Variants in TMEM202 observed in about 807,000 individuals in gnomAD.
TMEM202 encodes the protein transmembrane protein 202.
In TMEM202, 25 loss-of-function variants were observed where a neutral mutation model predicts 26.1. The ratio of observed to expected loss-of-function variants is 0.96; its 90% CI spans 0.70 to 1.34. TMEM202 has a LOEUF of 1.34. Among genes scored for constraint, TMEM202 ranks in the 40% most tolerant of loss-of-function variants. The pLI, the probability that TMEM202 is intolerant of heterozygous loss-of-function variation, is 0.00. For synonymous variants in TMEM202, 122 were observed against 119.0 expected (o/e 1.02, Z -0.16); for missense variants, 301 against 327.7 (o/e 0.92, Z 0.63).
At position 72,403,832 on chromosome 15, in the gene TMEM202, T is replaced by C. The variant is rs115790669; in HGVS notation, c.338-2770T>C. On this transcript the variant is annotated intron_variant, in intron 2 of 4. Transcript: ENST00000341689. Reference sequence around the variant, plus strand: ...TGTATATGATTATTCCTAATAGACTTGGTTACTTTGGGAAGGTTAGACTCT... The same window carrying C: ...TGTATATGATTATTCCTAATAGACTCGGTTACTTTGGGAAGGTTAGACTCT... Among the ~76,000 whole-genome samples, 257 of 152,326 alleles carry C rather than the reference T, an allele frequency of 1.7e-3. 1 individual carries two copies. The highest frequency in any genetic ancestry group is 6.0e-3 in the African/African-American group (251 of 41,576).
At chr15:72,402,582 T>C (rs193056745) in intron 2 of TMEM202, among the ~76,000 whole-genome samples, 1 of 152,282 alleles carries the variant, frequency 6.6e-6, no homozygotes, top group East Asian at 1.9e-4. Flanking sequence ...TCACTTTTAC[T>C]AGGAAGTCTC....
At position 72,406,675 on chromosome 15, in the gene TMEM202, C is replaced by T. The variant is rs772834911; in HGVS notation, c.411C>T (p.Phe137=). 7 of 1,614,116 alleles carry T rather than the reference C, an allele frequency of 4.3e-6. No individual in the cohort carries two copies. Among genetic ancestry groups the T allele is most frequent in the African/African-American group, 1.3e-5 (1 of 75,040 alleles). ...TACTTACTGGCCTTGGCTGGCTCTT[C>T]AGCTCTTGGATCCTTAATCGAGGAA... ...FTILTGLGWL[F]SSWILNRGSM... is the part of the protein sequence containing the mutation. Residue 137 remains phenylalanine (F), a synonymous_variant, in exon 3 of 5, where the codon TTC becomes TTT. Transcript: ENST00000341689.
intron 2 of TMEM202, 135 bp downstream of exon 2, chr15:72,399,043 T>C: frequency 9.5e-7 from 1 of 1,048,690 alleles, no homozygotes; most frequent in Non-Finnish European, 1.4e-6. Context: ...GGATCTTTCT[T>C]TGGTATCCTC....
At chr15:72,406,807 A>T (rs1042749194) in intron 3 of TMEM202, 56 bp downstream of exon 3, 3 of 1,573,194 alleles carry the variant, frequency 1.9e-6, no homozygotes, top group Non-Finnish European at 2.6e-6. Flanking sequence ...AAGGTAACAA[A>T]TTTTCTCTGT....
At chr15:72,406,782 C>A in intron 3 of TMEM202, 31 bp downstream of exon 3, 1 of 1,607,976 alleles carries the variant, frequency 6.2e-7, no homozygotes, top group Non-Finnish European at 8.5e-7. Flanking sequence ...GGTATTTTAC[C>A]ATGGTAAAAT....
intron 2 of TMEM202, among the ~76,000 whole-genome samples, chr15:72,401,944 C>A (rs1169465571): frequency 6.6e-6 from 1 of 152,050 alleles, no homozygotes; most frequent in African/African-American, 2.4e-5. Context: ...TATTATTGCC[C>A]GAATACATTA....
At chr15:72,399,815 T>A (rs1304644064) in intron 2 of TMEM202, among the ~76,000 whole-genome samples, 1 of 152,260 alleles carries the variant, frequency 6.6e-6, no homozygotes, top group Non-Finnish European at 1.5e-5. Flanking sequence ...ATCATTACAC[T>A]GACAGTTTTC....
chr15:72,398,439 G>C, intron 1 of TMEM202, 32 bp downstream of exon 1: 3 of 1,566,338 alleles, frequency 1.9e-6, no homozygotes, highest in Non-Finnish European at 2.6e-6. Flanking sequence ...AGTCAGATGG[G>C]AAGAAGAGAA....
chr15:72,398,564 A>T (rs2063532381), intron 1 of TMEM202, 89 bp from the exon 2 acceptor site: 1 of 1,525,692 alleles, frequency 6.6e-7, no homozygotes, highest in Non-Finnish European at 8.9e-7. Flanking sequence ...TCAAACACAC[A>T]TGGGAATGCT....
chr15:72,400,367 A>G (rs2063542107), intron 2 of TMEM202, among the ~76,000 whole-genome samples: 1 of 152,256 alleles, frequency 6.6e-6, no homozygotes, highest in South Asian at 2.1e-4. Context: ...TGCAACTGCT[A>G]TCACTCCCAT....
intron 2 of TMEM202, among the ~76,000 whole-genome samples, chr15:72,401,448 G>A (rs763453978): frequency 2.4e-4 from 36 of 152,176 alleles, no homozygotes; most frequent in Non-Finnish European, 3.7e-4. Context: ...GGAGGCCGAA[G>A]TGGAGAGTTG....
At chr15:72,407,343 CAG>C in intron 4 of TMEM202, 126 bp downstream of exon 4, 2 of 1,150,248 alleles carry the variant, frequency 1.7e-6, no homozygotes, top group East Asian at 4.8e-5. Context: ...CTTGGAGAGT[CAG>C]GGGGGCATAA....
In TMEM202 at chr15:72,398,344, T is replaced by C. The variant is rs771749713; in HGVS notation, c.18T>C (p.His6=). ...CTGCCAAGATGGAGCGAAGGGAACATTTAACCTTGACTTTCCACAGTCCTG... is the reference window on the plus strand; with the variant it reads ...CTGCCAAGATGGAGCGAAGGGAACACTTAACCTTGACTTTCCACAGTCCTG... MERRE[H]LTLTFHSPEV... Residue 6 remains histidine, a synonymous_variant, in exon 1 of 5, where the codon CAT becomes CAC. Transcript: ENST00000341689. 6.2e-7 allele frequency: 1 copy of C among 1,613,108 alleles called. No individual in the cohort carries two copies. Among genetic ancestry groups the C allele is most frequent in the African/African-American group, 1.3e-5 (1 of 74,876 alleles).
rs149403533 is a variant in TMEM202 at position 72,407,709 on chromosome 15, A to G, written c.638A>G (p.Asn213Ser). ...CCCGTAGGGATCATCTCTCTTCTCA[A>G]CTACTTAACTTCCAGATCGCCTGCC... is the stretch of plus-strand genomic sequence containing the variant. ...YMFAGIISLL[N>S]YLTSRSPACD... Residue 213 changes from asparagine to serine, a missense_variant, in exon 5 of 5, where the codon AAC (asparagine) becomes AGC (serine). By Grantham distance (46) the Asn-to-Ser change is conservative. Transcript: ENST00000341689. The G allele has an allele frequency of 1.5e-5, 25 of 1,613,836 alleles. No homozygotes were observed. The highest frequency in any genetic ancestry group is 3.3e-4 in the Middle Eastern group (2 of 6,076).
Position 72,406,585 on chromosome 15 carries a change from T to C in TMEM202, c.338-17T>C, listed in dbSNP as rs766190851. 2.5e-6 allele frequency: 4 copies of C among 1,612,288 alleles called. No homozygotes were observed. The highest frequency in any genetic ancestry group is 3.4e-6 in the Non-Finnish European group (4 of 1,179,226). Reference sequence around the variant, plus strand: ...CACTGGACTAACCACGGTCTTCCTTTCCTCTTCTTCATGCAGATTATCTCC... The same window carrying C: ...CACTGGACTAACCACGGTCTTCCTTCCCTCTTCTTCATGCAGATTATCTCC... On this transcript the variant is annotated splice_polypyrimidine_tract_variant and intron_variant, in intron 2 of 4. Transcript: ENST00000341689.
chr15:72,405,744 T>C lies in TMEM202; in HGVS notation c.338-858T>C, dbSNP rs147969087. Among the ~76,000 whole-genome samples the C allele has an allele frequency of 2.3e-3, 352 of 152,208 alleles. 1 individual carries two copies. Among genetic ancestry groups the C allele is most frequent in the Non-Finnish European group, 3.6e-3 (243 of 68,004 alleles). On this transcript the variant is annotated intron_variant, in intron 2 of 4. Coordinates refer to ENST00000341689, the MANE Select transcript of TMEM202 (RefSeq NM_001080462.3). ...GGCTCACGCCTTTAATCCCAGCACT[T>C]TGAGAGGTCAAGGCGGGCAGATCAC...
intron 2 of TMEM202, 72 bp from the exon 3 acceptor site, chr15:72,406,530 T>G (rs565176011): frequency 7.9e-7 from 1 of 1,272,370 alleles, no homozygotes; most frequent in African/African-American, 1.5e-5. Flanking sequence ...TCTCTAAGAC[T>G]CTATCTGGCC....
intron 2 of TMEM202, among the ~76,000 whole-genome samples, chr15:72,405,915 A>G (rs892484096): frequency 3.3e-5 from 5 of 152,202 alleles, no homozygotes; most frequent in African/African-American, 1.2e-4. Flanking sequence ...TCTCAAAAAA[A>G]TAATAATAAA....
rs1370201990 is a variant in TMEM202, at chr15:72,403,730, TA to T, written c.338-2866del. Among the ~76,000 whole-genome samples the T allele has an allele frequency of 2.0e-5, 3 of 152,338 alleles. No individual in the cohort carries two copies. The East Asian group carries it at 5.8e-4, about 29-fold the overall frequency. ...TTTATTTATTTAGAGTAATATGAAT[TA>T]AAAAACTATAAAGTTAACCAAATGC... is the stretch of plus-strand genomic sequence containing the variant. On this transcript the variant is annotated intron_variant, in intron 2 of 4. Transcript: ENST00000341689.
Sources: allele counts gnomAD v4.1 joint callset (sites outside exome capture counted in the v4.1 genomes callset), GRCh38; gene constraint gnomAD v4.1.1; transcripts MANE v1.5; gene names NCBI Gene and HGNC (gene_info 2026-07-23, HGNC 2026-07-21).